FYB2: variants seen among roughly 807,000 people sequenced by gnomAD.
The protein encoded by FYB2 is FYN-binding protein 2.
A neutral mutation model predicts 94.1 loss-of-function variants in FYB2; 103 were observed. The observed-to-expected ratio is 1.09, with a 90% confidence interval of 0.93 to 1.29. The LOEUF (loss-of-function observed/expected upper bound fraction) is 1.29, where lower values mean the gene tolerates loss of function less well. FYB2 is among the 50% of genes most tolerant of loss of function. The probability of loss-of-function intolerance (pLI) is 0.00; values close to 1 mark genes in which losing one functional copy is unlikely to be tolerated. For synonymous variants in FYB2, 293 were observed against 287.9 expected (o/e 1.02, Z -0.18); for missense variants, 896 against 841.5 (o/e 1.06, Z -0.80).
intron 17 of FYB2, among the ~76,000 whole-genome samples, chr1:56,721,376 C>G (rs1332698519): frequency 1.3e-5 from 2 of 151,962 alleles, no homozygotes; most frequent in Non-Finnish European, 2.9e-5. Flanking sequence ...GTGCCTCCTT[C>G]CACTCTTAGA....
chr1:56,787,201 C>T lies in FYB2; in HGVS notation c.927G>A (p.Val309=). The T allele has an allele frequency of 6.2e-7, 1 of 1,613,936 alleles. No homozygotes were observed. The highest frequency in any genetic ancestry group is 1.1e-5 in the South Asian group (1 of 91,076). Residue 309 remains valine, a synonymous_variant, in exon 4 of 20, where the codon GTG becomes GTA. Coordinates refer to ENST00000343433, the MANE Select transcript of FYB2 (RefSeq NM_001004303.5). ...AVPKTQGEVT[V]EEGSLSPERL... ...TCTCTGGAGACAGGGAGCCCTCTTC[C>T]ACAGTCACTGCAAGAGAAAGAGGCG... is the stretch of plus-strand genomic sequence containing the variant.
At chr1:56,820,057 G>A (rs914849022), upstream of FYB2, among the ~76,000 whole-genome samples, 2 of 152,002 alleles carry the variant, frequency 1.3e-5, no homozygotes, top group African/African-American at 4.8e-5. Context: ...GTGAAACCCT[G>A]TCTCTACCAA....
At chr1:56,788,653 T>C (rs1265033478) in intron 3 of FYB2, among the ~76,000 whole-genome samples, 1 of 152,184 alleles carries the variant, frequency 6.6e-6, no homozygotes, top group Non-Finnish European at 1.5e-5. Context: ...TGGATTGTGT[T>C]GACAACACAG....
intron 15 of FYB2, among the ~76,000 whole-genome samples, chr1:56,731,202 C>T (rs893285580): frequency 6.6e-6 from 1 of 152,090 alleles, no homozygotes; most frequent in African/African-American, 2.4e-5. Flanking sequence ...TGAGCACATC[C>T]CCAGAAAGAG....
At chr1:56,813,605 A>G (rs911540845) in intron 1 of FYB2, among the ~76,000 whole-genome samples, 1 of 152,158 alleles carries the variant, frequency 6.6e-6, no homozygotes, top group African/African-American at 2.4e-5. Flanking sequence ...GTCTTCAAAT[A>G]AGGTCACATT....
intron 1 of FYB2, among the ~76,000 whole-genome samples, chr1:56,796,786 G>A (rs573322714): frequency 2.9e-4 from 44 of 152,264 alleles, no homozygotes; most frequent in African/African-American, 1.0e-3. Context: ...TCATGTAGCT[G>A]TAACTTTGAA....
chr1:56,769,193 C>G (rs1354415579), intron 4 of FYB2, among the ~76,000 whole-genome samples: 1 of 152,058 alleles, frequency 6.6e-6, no homozygotes, highest in Non-Finnish European at 1.5e-5. Flanking sequence ...TGTGTGCCAC[C>G]ACACCCAGAT....
rs752657753 is a variant in FYB2, at chr1:56,740,728, T to C, written c.1672A>G (p.Ile558Val). The change falls in exon 13 of 20, where the codon ATA becomes GTA. Residue 558 changes from isoleucine (I) to valine (V), a missense_variant. Ile to Val is a conservative substitution (Grantham distance 29, BLOSUM62 3). Transcript: ENST00000343433. ...TTTTCTTTCGACTTGGTTTTCTTTA[T>C]TTTAAATCTATCCTTTTCTTTCTTG... is the stretch of plus-strand genomic sequence containing the variant. ...FFKKEKDRFK[I>V]KKTKSKENLS... The C allele has an allele frequency of 1.9e-6, 3 of 1,607,406 alleles. No individual in the cohort carries two copies. Among genetic ancestry groups the C allele is most frequent in the East Asian group, 2.2e-5 (1 of 44,654 alleles).
At chr1:56,736,526 A>G (rs1446742226) in intron 15 of FYB2, among the ~76,000 whole-genome samples, 2 of 149,692 alleles carry the variant, frequency 1.3e-5, no homozygotes, top group African/African-American at 5.0e-5. Flanking sequence ...CAAAGGCTCA[A>G]GCCATCCTCC....
chr1:56,757,675 T>TTTCCTTCCTTCC lies in FYB2; in HGVS notation c.1098+1029_1098+1040dup, dbSNP rs765794124. On this transcript the variant is annotated intron_variant, in intron 6 of 19. Coordinates refer to ENST00000343433, the MANE Select transcript of FYB2 (RefSeq NM_001004303.5). ...TTTCTTTCTTTTTCTTTCTTTCCTC[T>TTTCCTTCCTTCC]TTCCTTCCTTCCTTCTTTCTTTCTT... 2.2e-3 allele frequency among the ~76,000 whole-genome samples: 222 copies of TTTCCTTCCTTCC among 99,002 alleles called. 2 individuals are homozygous for TTTCCTTCCTTCC. The highest frequency in any genetic ancestry group is 8.2e-3 in the African/African-American group (203 of 24,778). The allele number at this position is 99,002 out of a possible 152,430, so 64.9% of individuals were successfully genotyped here. A position where few individuals can be genotyped will look rare whatever the true frequency, so the allele number is the denominator to read the frequency against.
At chr1:56,819,859 A>G (rs1487615217), upstream of FYB2, among the ~76,000 whole-genome samples, 1 of 152,204 alleles carries the variant, frequency 6.6e-6, no homozygotes, top group African/African-American at 2.4e-5. Flanking sequence ...AGTGGAGGCC[A>G]GAAAAGGAGT....
At chr1:56,818,793 C>T (rs1016257664) in intron 1 of FYB2, among the ~76,000 whole-genome samples, 2 of 152,040 alleles carry the variant, frequency 1.3e-5, no homozygotes, top group African/African-American at 4.8e-5. Flanking sequence ...TTGCCCCAGG[C>T]CACACAGTTA....
chr1:56,825,625 C>T, the FYB2 span, among the ~76,000 whole-genome samples: 1 of 152,128 alleles, frequency 6.6e-6, no homozygotes, highest in East Asian at 1.9e-4. Context: ...TACTCATACC[C>T]TCAAGTGCCA....
Position 56,755,783 on chromosome 1 carries a change from T to A in FYB2, c.1130+113A>T, listed in dbSNP as rs553846568. On this transcript the variant is annotated intron_variant, in intron 7 of 19. Coordinates refer to ENST00000343433, the MANE Select transcript of FYB2 (RefSeq NM_001004303.5). The stretch of plus-strand genomic sequence containing the variant: ...GCACCTTGCAAGGTGCCGGGGAAAC[T>A]GAACCAGGCTAGCTCAGTTTGGAAA... 125 of 1,066,126 alleles carry A rather than the reference T, an allele frequency of 1.2e-4. 2 individuals are homozygous for A. Among genetic ancestry groups the A allele is most frequent in the East Asian group, 6.4e-4 (27 of 41,892 alleles). The allele number at this position is 1,066,126 out of a possible 1,614,324, so 66.0% of individuals were successfully genotyped here. A position where few individuals can be genotyped will look rare whatever the true frequency, so the allele number is the denominator to read the frequency against.
At chr1:56,760,064 G>A (rs949716798) in intron 5 of FYB2, among the ~76,000 whole-genome samples, 11 of 134,770 alleles carry the variant, frequency 8.2e-5, no homozygotes, top group Non-Finnish European at 1.7e-4. Flanking sequence ...GGGCAACACA[G>A]TGAGACTCCA....
At chr1:56,742,980 T>C (rs2100624780) in intron 11 of FYB2, among the ~76,000 whole-genome samples, 1 of 152,194 alleles carries the variant, frequency 6.6e-6, no homozygotes, top group South Asian at 2.1e-4. Flanking sequence ...ATACTTATGA[T>C]ATATAACATG....
At chr1:56,807,759 G>A (rs376262073) in intron 1 of FYB2, among the ~76,000 whole-genome samples, 1 of 152,176 alleles carries the variant, frequency 6.6e-6, no homozygotes, top group Non-Finnish European at 1.5e-5. Flanking sequence ...GAGAAAGTAA[G>A]TTTGGCTTAG....
chr1:56,789,445 C>A (rs1646210901), intron 2 of FYB2, among the ~76,000 whole-genome samples: 1 of 152,190 alleles, frequency 6.6e-6, no homozygotes, highest in African/African-American at 2.4e-5. Flanking sequence ...ATTTTTCACA[C>A]ACATCACTGG....
intron 5 of FYB2, chr1:56,762,056 T>G (rs1441442434): frequency 6.6e-6 from 1 of 152,218 alleles, no homozygotes; most frequent in Non-Finnish European, 1.5e-5. Flanking sequence ...TCTGTATAAT[T>G]CTATTTCTGA....
Sources: allele counts gnomAD v4.1 joint callset (sites outside exome capture counted in the v4.1 genomes callset), GRCh38; gene constraint gnomAD v4.1.1; transcripts MANE v1.5; gene names NCBI Gene and HGNC (gene_info 2026-07-23, HGNC 2026-07-21).